The following ARL15 variants were observed in gnomAD, a reference collection of about 807,000 sequenced individuals.
The protein encoded by ARL15 is ARF like GTPase 15.
Under a neutral mutation model 25.2 loss-of-function variants are expected in ARL15, and 19 were observed. The observed-to-expected ratio is 0.75, with a 90% CI of 0.53 to 1.10. The LOEUF (loss-of-function observed/expected upper bound fraction) is 1.10, where lower values mean the gene tolerates loss of function less well. Ranked by LOEUF, ARL15 falls within the 50% of genes least tolerant of loss-of-function variation. The pLI is 0.00. For synonymous variants in ARL15, 94 were observed against 86.8 expected (o/e 1.08, Z -0.46); for missense variants, 220 against 246.0 (o/e 0.89, Z 0.71).
At chr5:54,082,282 T>C (rs1751826505) in intron 4 of ARL15, among the ~76,000 whole-genome samples, 1 of 152,136 alleles carries the variant, frequency 6.6e-6, no homozygotes, top group Non-Finnish European at 1.5e-5. Flanking sequence ...ACAGGAGAAA[T>C]AGGAGAATGC....
intron 1 of ARL15, among the ~76,000 whole-genome samples, chr5:54,244,286 T>A (rs929760886): frequency 6.6e-6 from 1 of 152,210 alleles, no homozygotes; most frequent in Non-Finnish European, 1.5e-5. Flanking sequence ...CAAACTAATG[T>A]AATTCACAGA....
intron 4 of ARL15, among the ~76,000 whole-genome samples, chr5:53,945,417 T>G (rs1220198168): frequency 6.6e-6 from 1 of 152,202 alleles, no homozygotes; most frequent in Non-Finnish European, 1.5e-5. Flanking sequence ...AATCTTTGGT[T>G]CGTTAACTCA....
At chr5:54,036,569 G>A (rs1274085951) in intron 4 of ARL15, among the ~76,000 whole-genome samples, 1 of 151,734 alleles carries the variant, frequency 6.6e-6, no homozygotes, top group Non-Finnish European at 1.5e-5. Context: ...CTTTGTTCCT[G>A]TGAACTCACT....
chr5:53,977,998 C>T (rs1747998150), intron 4 of ARL15, among the ~76,000 whole-genome samples: 1 of 152,168 alleles, frequency 6.6e-6, no homozygotes, highest in African/African-American at 2.4e-5. Context: ...GACTCATTAG[C>T]ACAAAACCAT....
intron 1 of ARL15, among the ~76,000 whole-genome samples, chr5:54,229,128 T>C (rs955690386): frequency 7.2e-5 from 11 of 152,158 alleles, no homozygotes; most frequent in Non-Finnish European, 1.2e-4. Flanking sequence ...CTCTGAGCTA[T>C]TGGCAAGACT....
At chr5:53,917,269 C>T (rs1047778525) in intron 4 of ARL15, among the ~76,000 whole-genome samples, 11 of 152,034 alleles carry the variant, frequency 7.2e-5, no homozygotes, top group Non-Finnish European at 1.2e-4. Flanking sequence ...TGAAACATAC[C>T]AATAGATTGA....
intron 4 of ARL15, among the ~76,000 whole-genome samples, chr5:53,972,331 T>C (rs1056672903): frequency 6.6e-6 from 1 of 152,212 alleles, no homozygotes; most frequent in African/African-American, 2.4e-5. Context: ...GGATCATATT[T>C]TCAATACCAC....
intron 4 of ARL15, among the ~76,000 whole-genome samples, chr5:54,111,706 C>T (rs981407028): frequency 6.6e-6 from 1 of 152,048 alleles, no homozygotes; most frequent in African/African-American, 2.4e-5. Flanking sequence ...ATTACATACA[C>T]ACATTATACT....
chr5:53,903,655 G>A (rs1745140634), intron 4 of ARL15, among the ~76,000 whole-genome samples: 1 of 152,244 alleles, frequency 6.6e-6, no homozygotes, highest in Non-Finnish European at 1.5e-5. Context: ...CCTGGAACCA[G>A]GAGATTTAGA....
intron 4 of ARL15, among the ~76,000 whole-genome samples, chr5:53,951,049 G>T (rs1378900063): frequency 2.0e-5 from 3 of 151,824 alleles, no homozygotes; most frequent in African/African-American, 4.8e-5. Flanking sequence ...AATGGTTGGG[G>T]GAAAAAAATC....
intron 3 of ARL15, among the ~76,000 whole-genome samples, chr5:54,142,134 C>G (rs571706843): frequency 6.6e-6 from 1 of 152,188 alleles, no homozygotes; most frequent in Non-Finnish European, 1.5e-5. Flanking sequence ...TTTTCAAAAG[C>G]AGTTGTGCCA....
intron 2 of ARL15, among the ~76,000 whole-genome samples, chr5:54,163,293 T>C (rs1754461705): frequency 6.6e-6 from 1 of 151,006 alleles, no homozygotes; most frequent in African/African-American, 2.4e-5. Context: ...TTGTTGAATT[T>C]AATTTGGTAT....
intron 4 of ARL15, among the ~76,000 whole-genome samples, chr5:53,927,401 T>A (rs1580088161): frequency 6.6e-6 from 1 of 152,258 alleles, no homozygotes; most frequent in East Asian, 1.9e-4. Flanking sequence ...TATGTTTTCA[T>A]CCTTCAGCTA....
chr5:54,247,864 A>C (rs1030022590), intron 1 of ARL15, among the ~76,000 whole-genome samples: 1 of 152,186 alleles, frequency 6.6e-6, no homozygotes, highest in African/African-American at 2.4e-5. Context: ...TAAATAAAAT[A>C]AAATGAAATA....
chr5:53,963,988 T>G (rs1460463812), intron 4 of ARL15, among the ~76,000 whole-genome samples: 2 of 152,226 alleles, frequency 1.3e-5, no homozygotes, highest in Admixed American at 1.3e-4. Context: ...GATTTGACCT[T>G]GTAATTTCTC....
chr5:54,067,534 A>G (rs537804369), intron 4 of ARL15, among the ~76,000 whole-genome samples: 1 of 152,328 alleles, frequency 6.6e-6, no homozygotes, highest in Admixed American at 6.5e-5. Context: ...AAATATGTAC[A>G]GGAAGAACCT....
chr5:53,896,048 T>C (rs1038632488), intron 4 of ARL15, among the ~76,000 whole-genome samples: 5 of 152,222 alleles, frequency 3.3e-5, no homozygotes, highest in African/African-American at 1.2e-4. Flanking sequence ...TTAATGTTTT[T>C]TTTGAGACAG....
chr5:53,962,720 G>A (rs1003397462), intron 4 of ARL15, among the ~76,000 whole-genome samples: 2 of 151,940 alleles, frequency 1.3e-5, no homozygotes, highest in Non-Finnish European at 2.9e-5. Flanking sequence ...ATTTAACTTT[G>A]GTTCATTTAA....
chr5:54,309,787 AAAC>A (rs1758848965), intron 1 of ARL15, among the ~76,000 whole-genome samples: 1 of 152,200 alleles, frequency 6.6e-6, no homozygotes, highest in African/African-American at 2.4e-5. Context: ...AGCCTGGCCT[AAAC>A]AGCCGGGTTC....
Sources: gnomAD v4.1 joint callset for allele counts (sites outside exome capture counted in the v4.1 genomes callset) on GRCh38, gnomAD v4.1.1 for gene constraint, MANE v1.5 for transcripts, NCBI Gene and HGNC (gene_info 2026-07-23, HGNC 2026-07-21) for gene names.